Variants in B4GALT5 observed in about 807,000 individuals in gnomAD.
B4GALT5 encodes the protein UDP-Gal:beta-GlcNAc beta-1,4-galactosyltransferase 5.
B4GALT5 carries 11 observed loss-of-function variants against 45.0 expected under a neutral mutation model. The ratio of observed to expected loss-of-function variants is 0.24; its 90% CI spans 0.15 to 0.40. The LOEUF is 0.40. B4GALT5 is among the 10% of genes least tolerant of loss of function. The pLI is 1.00. For synonymous variants in B4GALT5, 185 were observed against 182.9 expected (o/e 1.01, Z -0.09); for missense variants, 337 against 500.2 (o/e 0.67, Z 3.11).
intron 3 of B4GALT5, 25 bp downstream of exon 3, chr20:49,646,940 G>A: frequency 6.8e-7 from 1 of 1,472,016 alleles, no homozygotes; most frequent in Non-Finnish European, 9.4e-7. Context: ...AAAAGCAGAG[G>A]AAGACAGGCC....
In B4GALT5 at chr20:49,692,897, G is replaced by A. The variant is rs545232724; in HGVS notation, c.115+20679C>T. Among the ~76,000 whole-genome samples, 30 of 152,288 alleles carry A rather than the reference G, an allele frequency of 2.0e-4. 1 individual carries two copies. The South Asian group carries it at 5.4e-3, about 27-fold the overall frequency. On this transcript the variant is annotated intron_variant, in intron 1 of 8. Transcript: ENST00000371711. ...ACACAGTCATGTGCCGCATAATGAC[G>A]TTTCAGTCAACGACTAGCTGCATAT... is the stretch of plus-strand genomic sequence containing the variant.
intron 1 of B4GALT5, among the ~76,000 whole-genome samples, chr20:49,673,908 TG>T (rs1397871351): frequency 6.6e-6 from 1 of 151,908 alleles, no homozygotes; most frequent in Non-Finnish European, 1.5e-5. Flanking sequence ...GTGTTATTCT[TG>T]CAACTTTTCT....
chr20:49,690,131 G>C (rs2038218), intron 1 of B4GALT5, among the ~76,000 whole-genome samples: 2 of 147,998 alleles, frequency 1.4e-5, no homozygotes, highest in South Asian at 4.2e-4. Flanking sequence ...AATCTCCCAA[G>C]TAGCTGGGAT....
At chr20:49,707,856 C>T (rs1376715100) in intron 1 of B4GALT5, among the ~76,000 whole-genome samples, 4 of 151,518 alleles carry the variant, frequency 2.6e-5, no homozygotes, top group Non-Finnish European at 5.9e-5. Context: ...ACAAGGAATC[C>T]GCCCATCTTG....
At chr20:49,636,795 C>G (rs1283000343) in intron 8 of B4GALT5, among the ~76,000 whole-genome samples, 1 of 152,094 alleles carries the variant, frequency 6.6e-6, no homozygotes, top group Non-Finnish European at 1.5e-5. Context: ...AAAAATACAA[C>G]AGATGAGAAA....
At chr20:49,682,880 C>A (rs1331398482) in intron 1 of B4GALT5, among the ~76,000 whole-genome samples, 1 of 152,058 alleles carries the variant, frequency 6.6e-6, no homozygotes, top group Non-Finnish European at 1.5e-5. Flanking sequence ...ATCACTTGAG[C>A]CCAGGAGTTT....
At chr20:49,706,025 C>CAA (rs55753502) in intron 1 of B4GALT5, among the ~76,000 whole-genome samples, 182 of 106,196 alleles carry the variant, frequency 1.7e-3, no homozygotes, top group Middle Eastern at 4.4e-3. Flanking sequence ...ACTAAAAATA[C>CAA]AAAAAAAAAA....
intron 1 of B4GALT5, among the ~76,000 whole-genome samples, chr20:49,688,283 AG>A (rs1157691085): frequency 1.3e-5 from 2 of 152,250 alleles, no homozygotes; most frequent in East Asian, 3.8e-4. Flanking sequence ...ATAGCACAGC[AG>A]GTTTCTTCAC....
intron 2 of B4GALT5, among the ~76,000 whole-genome samples, chr20:49,649,349 C>T (rs1408191293): frequency 6.6e-6 from 1 of 152,084 alleles, no homozygotes; most frequent in African/African-American, 2.4e-5. Flanking sequence ...GAGACTGAGG[C>T]AAGAGGATTG....
intron 1 of B4GALT5, among the ~76,000 whole-genome samples, chr20:49,674,455 T>C (rs1178611880): frequency 1.3e-5 from 2 of 152,000 alleles, no homozygotes; most frequent in Non-Finnish European, 2.9e-5. Context: ...AAGAACTGCA[T>C]TTAGGGTCGG....
intron 3 of B4GALT5, 100 bp downstream of exon 3, chr20:49,646,865 A>G (rs890469067): frequency 9.9e-5 from 67 of 673,418 alleles, no homozygotes; most frequent in African/African-American, 1.9e-5. Flanking sequence ...AATGGCAGGG[A>G]GGTATTTATA....
At chr20:49,650,368 A>G (rs1601250029) in intron 2 of B4GALT5, among the ~76,000 whole-genome samples, 1 of 151,830 alleles carries the variant, frequency 6.6e-6, no homozygotes, top group East Asian at 1.9e-4. Context: ...ATTAAAATAA[A>G]GTCTACTTGG....
intron 1 of B4GALT5, among the ~76,000 whole-genome samples, chr20:49,695,236 A>C (rs2085834066): frequency 6.8e-6 from 1 of 148,098 alleles, no homozygotes; most frequent in African/African-American, 2.5e-5. Flanking sequence ...ACTTTTGCTC[A>C]TGTTGCCCAG....
At chr20:49,656,434 T>A in intron 2 of B4GALT5, 134 bp downstream of exon 2, 2 of 1,136,666 alleles carry the variant, frequency 1.8e-6, no homozygotes, top group Non-Finnish European at 2.5e-6. Context: ...AGAGCTTTTT[T>A]AGCAGTAAAG....
intron 2 of B4GALT5, among the ~76,000 whole-genome samples, chr20:49,654,773 G>A (rs949725332): frequency 1.5e-4 from 23 of 152,156 alleles, no homozygotes; most frequent in Admixed American, 9.8e-4. Context: ...TTTTTTAAAT[G>A]TAAGTATTTT....
intron 1 of B4GALT5, among the ~76,000 whole-genome samples, chr20:49,695,507 G>A (rs935423542): frequency 6.6e-6 from 1 of 151,976 alleles, no homozygotes; most frequent in Non-Finnish European, 1.5e-5. Context: ...CACCTCCCGG[G>A]TTCAAGCGAT....
intron 1 of B4GALT5, among the ~76,000 whole-genome samples, chr20:49,706,921 G>A (rs1436999505): frequency 2.0e-5 from 3 of 152,170 alleles, no homozygotes; most frequent in African/African-American, 7.2e-5. Context: ...GAAGTCAATT[G>A]TATTCTGGCC....
chr20:49,648,008 A>G (rs1227795325), intron 2 of B4GALT5, among the ~76,000 whole-genome samples: 2 of 152,158 alleles, frequency 1.3e-5, no homozygotes, highest in African/African-American at 4.8e-5. Context: ...GATTTCCTCA[A>G]CTTTACTCAA....
chr20:49,698,471 ATC>A (rs2085848615), intron 1 of B4GALT5, among the ~76,000 whole-genome samples: 1 of 152,192 alleles, frequency 6.6e-6, no homozygotes, highest in Non-Finnish European at 1.5e-5. Flanking sequence ...ATAAATCCCA[ATC>A]TTCTAATTCA....
Sources: gnomAD v4.1 joint callset for allele counts (sites outside exome capture counted in the v4.1 genomes callset) on GRCh38, gnomAD v4.1.1 for gene constraint, MANE v1.5 for transcripts, NCBI Gene and HGNC (gene_info 2026-07-23, HGNC 2026-07-21) for gene names.